SMG5: variants seen among roughly 807,000 people sequenced by gnomAD.
SMG5 encodes the protein nonsense-mediated mRNA decay factor SMG5.
SMG5 carries 53 observed loss-of-function variants against 122.9 expected under a neutral mutation model. That is an observed-to-expected ratio of 0.43 (90% confidence interval 0.35 to 0.54). The LOEUF is 0.54. SMG5 is among the 20% of genes least tolerant of loss of function. The pLI, the probability that SMG5 is intolerant of heterozygous loss-of-function variation, is 0.01. For missense variants in SMG5, 1,153 were observed against 1,285.6 expected (o/e 0.90, Z 1.58); for synonymous variants, 477 against 490.2 (o/e 0.97, Z 0.35).
At chr1:156,270,398 C>G (rs1022362731) in intron 7 of SMG5, among the ~76,000 whole-genome samples, 1 of 152,196 alleles carries the variant, frequency 6.6e-6, no homozygotes, top group Admixed American at 6.5e-5. Flanking sequence ...TAAGACCACA[C>G]AGAGGAGAGG....
At position 156,282,737 on chromosome 1, in the gene SMG5, G is replaced by A; in HGVS notation, c.-57C>T. ...CAGGCCCCTGCCACCCACCACTACC[G>A]CCAACACTGCCGTCTCCGGCCGTAG... On this transcript the variant is annotated 5_prime_UTR_variant, in exon 1 of 22. Coordinates refer to ENST00000361813, the MANE Select transcript of SMG5 (RefSeq NM_015327.3). 8 of 1,520,874 alleles carry A rather than the reference G, an allele frequency of 5.3e-6. No homozygotes were observed. In the Middle Eastern group the frequency reaches 5.1e-4, roughly 97 times the overall value. The allele number at this position is 1,520,874 out of a possible 1,614,324, so 94.2% of individuals were successfully genotyped here.
Position 156,259,110 on chromosome 1 carries a change from C to T in SMG5, c.2337G>A (p.Leu779=), listed in dbSNP as rs1047709826. 17 of 1,608,760 alleles carry T rather than the reference C, an allele frequency of 1.1e-5. No homozygotes were observed. The highest frequency in any genetic ancestry group is 1.3e-5 in the Non-Finnish European group (15 of 1,177,674). ...GGTTGAACTGCAGGATGCTGCCTTG[C>T]AGGCGGGCGATGAAATGACCAAAGC... The part of the protein sequence containing the change: ...IRSFGHFIAR[L]QGSILQFNPE... The change falls in exon 16 of 22, where the codon CTG becomes CTA. Residue 779 remains leucine, a synonymous_variant. Transcript: ENST00000361813.
intron 16 of SMG5, among the ~76,000 whole-genome samples, chr1:156,256,949 CAG>C (rs1353574863): frequency 7.1e-6 from 1 of 140,818 alleles, no homozygotes; most frequent in East Asian, 2.1e-4. Flanking sequence ...TTTTTCCAGA[CAG>C]AGTCTCGCTC....
At chr1:156,257,391 T>C (rs1470621147) in intron 16 of SMG5, among the ~76,000 whole-genome samples, 2 of 151,796 alleles carry the variant, frequency 1.3e-5, no homozygotes, top group Non-Finnish European at 2.9e-5. Flanking sequence ...CCCTTCGGGG[T>C]GGAAGCCTGT....
chr1:156,282,878 C>A, upstream of SMG5: 1 of 574,664 alleles, frequency 1.7e-6, no homozygotes. Context: ...AGTTGCGGAC[C>A]AGTGGCCTGC....
chr1:156,277,648 G>C (rs185768537), intron 3 of SMG5, among the ~76,000 whole-genome samples: 6 of 152,096 alleles, frequency 3.9e-5, no homozygotes, highest in Admixed American at 3.9e-4. Context: ...GAGTAGCTGG[G>C]ATTACAGGCA....
chr1:156,274,254 GAA>G (rs1045315405), intron 5 of SMG5, among the ~76,000 whole-genome samples: 35 of 152,286 alleles, frequency 2.3e-4, no homozygotes, highest in Middle Eastern at 3.4e-3. Context: ...TCCCTGTGCT[GAA>G]GTTTCTATTC....
chr1:156,269,406 C>T (rs1053356484), intron 7 of SMG5, among the ~76,000 whole-genome samples: 3 of 152,198 alleles, frequency 2.0e-5, no homozygotes, highest in African/African-American at 7.2e-5. Context: ...CTATGCCCAG[C>T]CCTCAACCCT....
chr1:156,268,517 C>T, intron 7 of SMG5, 102 bp from the exon 8 acceptor site: 1 of 1,438,714 alleles, frequency 7.0e-7, no homozygotes, highest in Non-Finnish European at 9.4e-7. Context: ...CAGGCTGCTC[C>T]CAGCCTCAGC....
intron 7 of SMG5, among the ~76,000 whole-genome samples, chr1:156,271,520 G>A (rs941542050): frequency 6.6e-6 from 1 of 150,646 alleles, no homozygotes; most frequent in Non-Finnish European, 1.5e-5. Flanking sequence ...GACTTGTATG[G>A]CGACTCAATA....
intron 17 of SMG5, 114 bp from the exon 18 acceptor site, chr1:156,253,192 G>A: frequency 1.7e-6 from 2 of 1,204,102 alleles, no homozygotes; most frequent in South Asian, 3.1e-5. Context: ...AAGGGGATCA[G>A]AGGACCCTCT....
intron 7 of SMG5, among the ~76,000 whole-genome samples, chr1:156,270,631 C>T (rs890063249): frequency 3.9e-5 from 6 of 152,204 alleles, no homozygotes; most frequent in African/African-American, 1.4e-4. Context: ...TTGGAACTGA[C>T]CCACCCTAAA....
rs562193073 is a variant in SMG5, at chr1:156,255,103, CAAAAT to C, written c.2443-1600_2443-1596del. On this transcript the variant is annotated intron_variant, in intron 16 of 21. Coordinates refer to ENST00000361813, the MANE Select transcript of SMG5 (RefSeq NM_015327.3). Reference sequence around the variant, plus strand: ...AAGACTCCGTCTCAAAATAAATAAACAAAATAAAATAAAATAAAATAAAATATTAA... The same window carrying C: ...AAGACTCCGTCTCAAAATAAATAAACAAAATAAAATAAAATAAAATATTAA... Among the ~76,000 whole-genome samples, 722 of 150,656 alleles carry C rather than the reference CAAAAT, an allele frequency of 4.8e-3. 3 individuals carry two copies. The highest frequency in any genetic ancestry group is 0.032 in the Middle Eastern group (9 of 282).
the SMG5 span, among the ~76,000 whole-genome samples, chr1:156,288,074 G>A: frequency 9.5e-3 from 1,443 of 151,986 alleles, 22 homozygotes; most frequent in African/African-American, 0.033. Context: ...AATTAGCCGG[G>A]TGCGGTGGCG....
In SMG5 at chr1:156,282,772, C is replaced by T. The variant is rs1663025018; in HGVS notation, c.-92G>A. The T allele has an allele frequency of 1.5e-6, 2 of 1,356,120 alleles. No individual in the cohort carries two copies. The highest frequency in any genetic ancestry group is 1.5e-5 in the African/African-American group (1 of 67,958). The allele number at this position is 1,356,120 out of a possible 1,614,324, so 84.0% of individuals were successfully genotyped here. A position where few individuals can be genotyped will look rare whatever the true frequency, so the allele number is the denominator to read the frequency against. ...CCGTCTCCGGCCGTAGCCGCAGCCG[C>T]CGCCGCCACCGGCCCTGCTCGGCCG... On this transcript the variant is annotated 5_prime_UTR_variant, in exon 1 of 22. Transcript: ENST00000361813.
intron 1 of SMG5, among the ~76,000 whole-genome samples, chr1:156,280,852 A>G (rs1427505439): frequency 6.6e-6 from 1 of 152,224 alleles, no homozygotes; most frequent in Non-Finnish European, 1.5e-5. Flanking sequence ...TTCATTCACT[A>G]TTGTACTCTC....
intron 4 of SMG5, among the ~76,000 whole-genome samples, chr1:156,275,117 T>C (rs1252794276): frequency 1.7e-5 from 2 of 115,650 alleles, no homozygotes; most frequent in South Asian, 2.6e-4. Flanking sequence ...GAATGAAATG[T>C]GAATGACGCC....
chr1:156,289,696 G>A, the SMG5 span, among the ~76,000 whole-genome samples: 1 of 152,212 alleles, frequency 6.6e-6, no homozygotes, highest in African/African-American at 2.4e-5. Flanking sequence ...AGAAGCAGCA[G>A]TTACTCTTCC....
intron 4 of SMG5, among the ~76,000 whole-genome samples, chr1:156,275,068 G>T (rs1662620364): frequency 7.3e-6 from 1 of 137,410 alleles, no homozygotes; most frequent in Non-Finnish European, 1.5e-5. Flanking sequence ...ACATAAAGGT[G>T]AAAGGTTTGA....
Sources: allele counts gnomAD v4.1 joint callset (sites outside exome capture counted in the v4.1 genomes callset), GRCh38; gene constraint gnomAD v4.1.1; transcripts MANE v1.5; gene names NCBI Gene and HGNC (gene_info 2026-07-23, HGNC 2026-07-21).